The following PPL variants were observed in gnomAD, a reference collection of about 807,000 sequenced individuals.
The protein encoded by PPL is periplakin.
PPL carries 198 observed loss-of-function variants against 194.4 expected under a neutral mutation model. The observed-to-expected ratio is 1.02, with a 90% CI of 0.91 to 1.15. The LOEUF is 1.15. PPL is among the 50% of genes most tolerant of loss of function. PPL has a pLI of 0.00. For synonymous variants in PPL, 1,220 were observed against 972.4 expected, an observed-to-expected ratio of 1.25 and a Z score of -4.74; for missense variants, 2,885 against 2,294.8, an observed-to-expected ratio of 1.26 and a Z score of -5.25.
Position 4,903,915 on chromosome 16 carries a change from C to T in PPL, c.288G>A (p.Lys96=), listed in dbSNP as rs370534171. 3 of 1,614,102 alleles carry T rather than the reference C, an allele frequency of 1.9e-6. No homozygotes were observed. Among genetic ancestry groups the T allele is most frequent in the Non-Finnish European group, 2.5e-6 (3 of 1,180,044 alleles). The change falls in exon 3 of 22, where the codon AAG becomes AAA. Residue 96 remains lysine, a synonymous_variant. Coordinates refer to ENST00000345988, the MANE Select transcript of PPL (RefSeq NM_002705.5). ...CGGCGATCATGTCCCCCTGTGGGTG[C>T]TTCATGTGCTTGGCAATGGCCGCAT... is the stretch of plus-strand genomic sequence containing the variant. ...EADAAIAKHM[K]HPQGDMIAED...
At chr16:4,888,914 G>C (rs1406718178) in intron 19 of PPL, 64 bp downstream of exon 19, 19 of 1,519,102 alleles carry the variant, frequency 1.3e-5, no homozygotes, top group Non-Finnish European at 1.6e-5. Context: ...CTGCTTCTCT[G>C]ACCAGGGCAC....
chr16:4,890,817 C>T lies in PPL; in HGVS notation c.2073G>A (p.Gln691=), dbSNP rs761347566. 6 of 1,588,824 alleles carry T rather than the reference C, an allele frequency of 3.8e-6. No homozygotes were observed. The highest frequency in any genetic ancestry group is 5.1e-6 in the Non-Finnish European group (6 of 1,167,998). ...QCSSTLASRF[Q]EHCPDLERQE... ...GGCGCTCCAGGTCCGGACAGTGCTCCTGGAAGCGGCTGGCCAGTGTGCTCG... is the reference window on the plus strand; with the variant it reads ...GGCGCTCCAGGTCCGGACAGTGCTCTTGGAAGCGGCTGGCCAGTGTGCTCG... The change falls in exon 17 of 22, where the codon CAG becomes CAA. Residue 691 remains glutamine (Q), a synonymous_variant. Transcript: ENST00000345988.
intron 3 of PPL, 64 bp downstream of exon 3, chr16:4,903,822 G>T (rs1393755889): frequency 9.5e-6 from 15 of 1,587,260 alleles, no homozygotes; most frequent in Admixed American, 5.1e-5. Flanking sequence ...TGCTGAACAG[G>T]ACCCCCCGCC....
At chr16:4,927,212 T>G (rs1314855368) in intron 1 of PPL, among the ~76,000 whole-genome samples, 1 of 152,012 alleles carries the variant, frequency 6.6e-6, no homozygotes, top group Non-Finnish European at 1.5e-5. Context: ...CACACACACT[T>G]GAAACTAAAT....
At chr16:4,911,156 C>CTTTTTT (rs34229581) in intron 1 of PPL, among the ~76,000 whole-genome samples, 5 of 85,902 alleles carry the variant, frequency 5.8e-5, no homozygotes, top group South Asian at 4.6e-4. Context: ...GGTCAGCCTC[C>CTTTTTT]TTTTTTTTTT....
At chr16:4,911,857 G>A (rs2088826298) in intron 1 of PPL, among the ~76,000 whole-genome samples, 1 of 151,970 alleles carries the variant, frequency 6.6e-6, no homozygotes, top group Non-Finnish European at 1.5e-5. Context: ...TTTTGTGAGA[G>A]ATAGGGTCTC....
At chr16:4,930,821 C>T (rs368873836) in intron 1 of PPL, among the ~76,000 whole-genome samples, 58 of 152,298 alleles carry the variant, frequency 3.8e-4, no homozygotes, top group African/African-American at 1.1e-3. Context: ...CCGGGCACAG[C>T]GTGGAAACAA....
chr16:4,919,466 G>A (rs2088992778), intron 1 of PPL, among the ~76,000 whole-genome samples: 3 of 152,150 alleles, frequency 2.0e-5, no homozygotes, highest in Admixed American at 6.5e-5. Context: ...TTCTCACTAT[G>A]TTGACCAGGC....
chr16:4,884,178 C>G lies in PPL; in HGVS notation c.4477G>C (p.Ala1493Pro). The G allele has an allele frequency of 6.2e-7, 1 of 1,613,986 alleles. No individual in the cohort carries two copies. The highest frequency in any genetic ancestry group is 8.5e-7 in the Non-Finnish European group (1 of 1,180,026). Residue 1493 changes from alanine (A) to proline (P), a missense_variant, in exon 22 of 22, where the codon GCG becomes CCG. Ala to Pro is a conservative substitution (Grantham distance 27). Coordinates refer to ENST00000345988, the MANE Select transcript of PPL (RefSeq NM_002705.5). This position sits in a 1 kb window ranked among gnomAD's most constrained non-coding sequence, Gnocchi z 5.7. ...AGCACCACCTTCTCCTTGACCTCCG[C>G]CTTCTCCAGTGCAGCCAGTTTCCTC... is the stretch of plus-strand genomic sequence containing the variant. ...LRRKLAALEK[A>P]EVKEKVVLSE...
chr16:4,905,901 G>A (rs1298245111), intron 2 of PPL, among the ~76,000 whole-genome samples: 2 of 152,136 alleles, frequency 1.3e-5, no homozygotes, highest in Non-Finnish European at 2.9e-5. Flanking sequence ...GCCCAGGAGT[G>A]CAAGACCAGC....
At position 4,884,621 on chromosome 16, in the gene PPL, C is replaced by T. The variant is rs200703896; in HGVS notation, c.4034G>A (p.Arg1345Gln). ...CTGCTGCACCACCCTTTCCTTCACCCGCGAGAGCTCCTCCTCTTTCCGGGC... is the reference window on the plus strand; with the variant it reads ...CTGCTGCACCACCCTTTCCTTCACCTGCGAGAGCTCCTCCTCTTTCCGGGC... ...QIARKEEELS[R>Q]VKERVVQQEV... The change falls in exon 22 of 22, where the codon CGG (arginine) becomes CAG (glutamine). Residue 1345 changes from arginine to glutamine, a missense_variant. Physicochemically the swap from Arg to Gln is conservative, Grantham distance 43. Coordinates refer to ENST00000345988, the MANE Select transcript of PPL (RefSeq NM_002705.5). This position sits in a 1 kb window ranked among gnomAD's most constrained non-coding sequence, Gnocchi z 5.7. 6.6e-5 allele frequency: 106 copies of T among 1,614,140 alleles called. No homozygotes were observed. Among genetic ancestry groups the T allele is most frequent in the Middle Eastern group, 1.6e-4 (1 of 6,062 alleles).
chr16:4,910,851 C>A lies in PPL; in HGVS notation c.161G>T (p.Ser54Ile). ...GGGAGTGGGAGTGGGGGCACTCACA[C>A]TCTGCATCTTGGCCTCTGTGTCCAC... ...NIVDTEAKMQ[S>I]DLARLQEGRQ... The change falls in exon 2 of 22, where the codon AGT becomes ATT. Residue 54 changes from serine (S) to isoleucine (I), a missense_variant and splice_region_variant. Transcript: ENST00000345988. 6.2e-7 allele frequency: 1 copy of A among 1,613,876 alleles called. No individual in the cohort carries two copies. The highest frequency in any genetic ancestry group is 8.5e-7 in the Non-Finnish European group (1 of 1,179,894).
chr16:4,912,745 C>A (rs1259787396), intron 1 of PPL, among the ~76,000 whole-genome samples: 2 of 152,232 alleles, frequency 1.3e-5, no homozygotes, highest in East Asian at 3.8e-4. Context: ...TGTTACAAGT[C>A]AGGAGGTGTG....
intron 21 of PPL, 119 bp from the exon 22 acceptor site, chr16:4,886,166 T>A (rs1293438295): frequency 1.6e-6 from 2 of 1,254,922 alleles, no homozygotes; most frequent in East Asian, 4.6e-5. Flanking sequence ...CAGTGCCAGT[T>A]CATGTTAGTT....
chr16:4,890,953 A>G (rs565908276), intron 16 of PPL, 32 bp from the exon 17 acceptor site: 3 of 1,483,346 alleles, frequency 2.0e-6, no homozygotes, highest in Non-Finnish European at 2.7e-6. Context: ...CGGCGGTGCT[A>G]CGGCCAGAGC....
At chr16:4,889,631 T>C (rs1453659582) in intron 18 of PPL, among the ~76,000 whole-genome samples, 1 of 152,194 alleles carries the variant, frequency 6.6e-6, no homozygotes, top group African/African-American at 2.4e-5. Context: ...TGTTTACTGA[T>C]GATTTGGACC....
chr16:4,915,815 C>T (rs539629255), intron 1 of PPL, among the ~76,000 whole-genome samples: 152 of 152,258 alleles, frequency 1.0e-3, no homozygotes, highest in African/African-American at 3.4e-3. Flanking sequence ...TTATTATCCC[C>T]GTTTATGGGT....
chr16:4,890,652 G>A (rs766740291), intron 17 of PPL, 76 bp downstream of exon 17: 15 of 1,473,384 alleles, frequency 1.0e-5, no homozygotes, highest in African/African-American at 8.6e-5. Context: ...TGTGGGACAC[G>A]GCTAAAGCAT....
intron 4 of PPL, among the ~76,000 whole-genome samples, chr16:4,901,341 C>T (rs1305162175): frequency 6.6e-6 from 1 of 152,186 alleles, no homozygotes; most frequent in Non-Finnish European, 1.5e-5. Context: ...GATGAGGACA[C>T]AGAGGCTGAG....
Sources: allele counts gnomAD v4.1 joint callset (sites outside exome capture counted in the v4.1 genomes callset), GRCh38; gene constraint gnomAD v4.1.1; non-coding constraint Gnocchi (gnomAD v3.1); transcripts MANE v1.5; gene names NCBI Gene and HGNC (gene_info 2026-07-23, HGNC 2026-07-21).